Variants in CCDC73 observed in about 807,000 individuals in gnomAD.
CCDC73 encodes the protein coiled-coil domain-containing protein 73.
Under a neutral mutation model 116.5 loss-of-function variants are expected in CCDC73, and 95 were observed. That is an observed-to-expected ratio of 0.82 (90% CI 0.69 to 0.97). CCDC73 has a LOEUF of 0.97. CCDC73 is among the 50% of genes least tolerant of loss of function. CCDC73 has a pLI of 0.00. For synonymous variants in CCDC73, 398 were observed against 401.3 expected, an observed-to-expected ratio of 0.99 and a Z score of 0.10; for missense variants, 1,066 against 1,206.8, an observed-to-expected ratio of 0.88 and a Z score of 1.73.
chr11:32,805,341 G>A, the CCDC73 span, among the ~76,000 whole-genome samples: 3 of 152,120 alleles, frequency 2.0e-5, no homozygotes, highest in Non-Finnish European at 2.9e-5. Flanking sequence ...TGCACCTAAA[G>A]ACTGCTTACA....
chr11:32,765,756 G>A (rs113765328), intron 1 of CCDC73, among the ~76,000 whole-genome samples: 3,661 of 152,092 alleles, frequency 0.024, 138 homozygotes, highest in African/African-American at 0.081. Context: ...CTGAATCTCT[G>A]AAAGAAGTTG....
At chr11:32,633,122 C>A (rs767466563) in intron 14 of CCDC73, among the ~76,000 whole-genome samples, 1 of 152,124 alleles carries the variant, frequency 6.6e-6, no homozygotes, top group African/African-American at 2.4e-5. Context: ...GGCACGATCT[C>A]GGCTCACTGC....
At position 32,755,008 on chromosome 11, in the gene CCDC73, C is replaced by T. The variant is rs969216801; in HGVS notation, c.135+5101G>A. 8.0e-4 allele frequency among the ~76,000 whole-genome samples: 119 copies of T among 149,604 alleles called. 3 individuals carry two copies. The highest frequency in any genetic ancestry group is 1.8e-4 in the Non-Finnish European group (12 of 67,562). On this transcript the variant is annotated intron_variant, in intron 2 of 17. Coordinates refer to ENST00000335185, the MANE Select transcript of CCDC73 (RefSeq NM_001008391.4). Reference sequence around the variant, plus strand: ...ATTCAAGCGATTCTCCTGCCTCAACCTCCCACGTAGCTGGGATTACAGGCA... The same window carrying T: ...ATTCAAGCGATTCTCCTGCCTCAACTTCCCACGTAGCTGGGATTACAGGCA...
At chr11:32,763,184 G>A (rs866853950) in intron 1 of CCDC73, among the ~76,000 whole-genome samples, 3 of 152,362 alleles carry the variant, frequency 2.0e-5, no homozygotes, top group South Asian at 2.1e-4. Flanking sequence ...AGGCATAGCC[G>A]AACAAAAGGC....
intron 16 of CCDC73, among the ~76,000 whole-genome samples, chr11:32,611,470 C>A (rs1339882722): frequency 6.6e-6 from 1 of 152,298 alleles, no homozygotes; most frequent in East Asian, 1.9e-4. Context: ...ATTATTGCTA[C>A]TTTCTAAAAC....
intron 7 of CCDC73, among the ~76,000 whole-genome samples, chr11:32,676,921 C>T (rs1441668635): frequency 1.3e-5 from 2 of 152,178 alleles, no homozygotes; most frequent in Non-Finnish European, 2.9e-5. Context: ...ATATGGGCCT[C>T]TACTGCTTTC....
chr11:32,790,573 T>G lies in CCDC73; in HGVS notation c.-16+4040A>C, dbSNP rs568076347. ...TAAATTGCTATAAATTATATAAAAT[T>G]ACAAAAACCACTTTTAGTTTCTTAA... On this transcript the variant is annotated intron_variant, in intron 1 of 17. Transcript: ENST00000335185. 7.2e-5 allele frequency among the ~76,000 whole-genome samples: 11 copies of G among 152,266 alleles called. No homozygotes were observed. In the South Asian group the frequency reaches 2.1e-3, roughly 29 times the overall value.
At chr11:32,815,338 CTTTT>C in the CCDC73 span, among the ~76,000 whole-genome samples, 1 of 140,748 alleles carries the variant, frequency 7.1e-6, no homozygotes, top group Non-Finnish European at 1.6e-5. Context: ...ATTATTTTTG[CTTTT>C]TTTTTTTTTT....
At chr11:32,815,033 G>A in the CCDC73 span, among the ~76,000 whole-genome samples, 1 of 152,210 alleles carries the variant, frequency 6.6e-6, no homozygotes, top group Non-Finnish European at 1.5e-5. Flanking sequence ...TCTGGAGAGA[G>A]AGAGAATGGT....
intron 16 of CCDC73, among the ~76,000 whole-genome samples, chr11:32,611,808 T>C (rs989533651): frequency 6.6e-6 from 1 of 152,212 alleles, no homozygotes; most frequent in African/African-American, 2.4e-5. Context: ...AAGATACTGA[T>C]GGCATATTTA....
intron 1 of CCDC73, among the ~76,000 whole-genome samples, chr11:32,761,519 AT>A (rs1466888111): frequency 3.3e-5 from 5 of 152,096 alleles, no homozygotes; most frequent in African/African-American, 1.2e-4. Context: ...CTGCCACATT[AT>A]TTTCCAGAGT....
chr11:32,688,271 T>G (rs919102778), intron 6 of CCDC73, among the ~76,000 whole-genome samples: 2 of 152,164 alleles, frequency 1.3e-5, no homozygotes, highest in Non-Finnish European at 2.9e-5. Flanking sequence ...ATTACCTCTG[T>G]GATATTCCTT....
At chr11:32,751,713 T>C (rs1046778220) in intron 2 of CCDC73, among the ~76,000 whole-genome samples, 1 of 152,108 alleles carries the variant, frequency 6.6e-6, no homozygotes, top group African/African-American at 2.4e-5. Flanking sequence ...CTTCAGTGCC[T>C]CTTTCAGCAA....
At chr11:32,752,853 A>C (rs1202545737) in intron 2 of CCDC73, among the ~76,000 whole-genome samples, 1 of 152,062 alleles carries the variant, frequency 6.6e-6, no homozygotes, top group Non-Finnish European at 1.5e-5. Flanking sequence ...TCCATGCTGG[A>C]CTGCAGTGGT....
chr11:32,609,990 C>T (rs1369051642), intron 17 of CCDC73, among the ~76,000 whole-genome samples: 4 of 150,404 alleles, frequency 2.7e-5, no homozygotes, highest in Admixed American at 1.3e-4. Flanking sequence ...AGGGTTTCAC[C>T]ATGTCAGCCA....
At chr11:32,762,870 A>G (rs540068892) in intron 1 of CCDC73, among the ~76,000 whole-genome samples, 1 of 152,276 alleles carries the variant, frequency 6.6e-6, no homozygotes, top group African/African-American at 2.4e-5. Flanking sequence ...CATGACACAC[A>G]GCACCTGGAA....
intron 1 of CCDC73, among the ~76,000 whole-genome samples, chr11:32,761,768 C>T (rs149482041): frequency 1.2e-4 from 18 of 152,224 alleles, no homozygotes; most frequent in African/African-American, 1.7e-4. Flanking sequence ...CAGACCTACA[C>T]ACACACACGC....
chr11:32,616,232 C>T, intron 14 of CCDC73, 103 bp from the exon 15 acceptor site: 1 of 1,158,218 alleles, frequency 8.6e-7, no homozygotes, highest in Non-Finnish European at 1.2e-6. Flanking sequence ...TTCAACCATT[C>T]AGCAATTTCT....
intron 14 of CCDC73, among the ~76,000 whole-genome samples, chr11:32,623,808 A>T (rs527728): frequency 3.2e-4 from 48 of 152,024 alleles, no homozygotes; most frequent in African/African-American, 1.1e-3. Context: ...TTATTTGTTT[A>T]CTTTTTAAAA....
Sources: gnomAD v4.1 joint callset for allele counts (sites outside exome capture counted in the v4.1 genomes callset) on GRCh38, gnomAD v4.1.1 for gene constraint, MANE v1.5 for transcripts, NCBI Gene and HGNC (gene_info 2026-07-23, HGNC 2026-07-21) for gene names.